HPSE: variants seen among roughly 807,000 people sequenced by gnomAD.
HPSE encodes heparanase.
A neutral mutation model predicts 65.1 loss-of-function variants in HPSE; 48 were observed. The ratio of observed to expected loss-of-function variants is 0.74; its 90% CI spans 0.58 to 0.94. HPSE has a LOEUF of 0.94. Ranked by LOEUF, HPSE falls within the 40% of genes least tolerant of loss-of-function variation. The pLI is 0.00. For synonymous variants in HPSE, 243 were observed against 260.0 expected, an observed-to-expected ratio of 0.93 and a Z score of 0.63; for missense variants, 644 against 637.5, an observed-to-expected ratio of 1.01 and a Z score of -0.11.
At chr4:83,302,559 T>C (rs1454359844) in intron 9 of HPSE, among the ~76,000 whole-genome samples, 1 of 152,180 alleles carries the variant, frequency 6.6e-6, no homozygotes, top group Admixed American at 6.5e-5. Context: ...TTCTTGGTTA[T>C]CGTTCATCCA....
intron 1 of HPSE, among the ~76,000 whole-genome samples, chr4:83,331,677 GCC>G (rs1333170977): frequency 6.6e-6 from 1 of 152,140 alleles, no homozygotes; most frequent in Non-Finnish European, 1.5e-5. Context: ...CAATGTATTT[GCC>G]ATCATGGAGA....
Position 83,298,325 on chromosome 4 carries a change from C to T in HPSE, c.1472+2635G>A, listed in dbSNP as rs182180784. 2.3e-3 allele frequency among the ~76,000 whole-genome samples: 354 copies of T among 152,234 alleles called. 4 individuals carry two copies. The highest frequency in any genetic ancestry group is 8.2e-3 in the African/African-American group (341 of 41,554). ...AAATGTATGAGATAAATATAAAATA[C>T]GGCCTTTATGTTAAAAATATGTTCA... On this transcript the variant is annotated intron_variant, in intron 11 of 11. Transcript: ENST00000311412.
chr4:83,297,851 T>C (rs556610198), intron 11 of HPSE, among the ~76,000 whole-genome samples: 1 of 152,296 alleles, frequency 6.6e-6, no homozygotes, highest in East Asian at 1.9e-4. Context: ...GTCTTGAAAA[T>C]ATCTCCAGCT....
rs199997937 is a variant in HPSE at position 83,301,038 on chromosome 4, C to T, written c.1394G>A (p.Arg465Gln). The T allele has an allele frequency of 4.0e-5, 64 of 1,606,306 alleles. No homozygotes were observed. The highest frequency in any genetic ancestry group is 1.7e-4 in the South Asian group (15 of 90,552). ...CTTGTTAGAAAAAGGATAGGGTAAC[C>T]GCAAGTACTTGGTGACATTATGGAG... The part of the protein sequence containing the change: ...INLHNVTKYL[R>Q]LPYPFSNKQV... The change falls in exon 11 of 12, where the codon CGG (arginine) becomes CAG (glutamine). Residue 465 changes from arginine (R) to glutamine (Q), a missense_variant. Arg to Gln is a conservative substitution (Grantham distance 43). Coordinates refer to ENST00000311412, the MANE Select transcript of HPSE (RefSeq NM_001098540.3).
intron 1 of HPSE, among the ~76,000 whole-genome samples, chr4:83,322,944 G>T (rs984184343): frequency 2.0e-5 from 3 of 151,696 alleles, no homozygotes; most frequent in Non-Finnish European, 4.4e-5. Context: ...GAGATTACAG[G>T]CATGAGCCAC....
intron 1 of HPSE, among the ~76,000 whole-genome samples, chr4:83,325,583 G>T (rs953801850): frequency 6.6e-6 from 1 of 152,226 alleles, no homozygotes; most frequent in Admixed American, 6.5e-5. Context: ...TATGCTAGTT[G>T]CTGGAGATGA....
rs1735600549 is a variant in HPSE at position 83,292,920 on chromosome 4, C to A, written c.*2424G>T. Reference sequence around the variant, plus strand: ...TACCTATTGGGTACAATGTACATCACTCAGGTGACAAGTACATTAAAAGCC... The same window carrying A: ...TACCTATTGGGTACAATGTACATCAATCAGGTGACAAGTACATTAAAAGCC... On this transcript the variant is annotated 3_prime_UTR_variant, in exon 12 of 12. Transcript: ENST00000311412. 1.3e-5 allele frequency: 2 copies of A among 152,128 alleles called. No homozygotes were observed. Among genetic ancestry groups the A allele is most frequent in the South Asian group, 4.1e-4 (2 of 4,824 alleles). 9.4% of individuals were successfully genotyped at this position (152,128 alleles called of 1,614,324 possible).
intron 9 of HPSE, among the ~76,000 whole-genome samples, chr4:83,303,441 A>T (rs1313690223): frequency 5.7e-5 from 1 of 17,678 alleles, no homozygotes; most frequent in Non-Finnish European, 3.5e-3. Context: ...ACAATATTTT[A>T]GACAAGGAAA....
At chr4:83,318,799 T>C (rs1736758060) in intron 3 of HPSE, among the ~76,000 whole-genome samples, 1 of 151,976 alleles carries the variant, frequency 6.6e-6, no homozygotes, top group African/African-American at 2.4e-5. Context: ...ACTGGAAGAC[T>C]GTTTTAGTGA....
intron 1 of HPSE, among the ~76,000 whole-genome samples, chr4:83,331,767 T>C (rs1737382551): frequency 1.3e-5 from 2 of 152,176 alleles, no homozygotes; most frequent in South Asian, 4.1e-4. Flanking sequence ...CTGATACTGT[T>C]ACTCTCATGT....
chr4:83,293,407 G>A lies in HPSE; in HGVS notation c.*1937C>T, dbSNP rs1735617730. ...CAGCTACAGCCATCATGCTACCAGA[G>A]TCTGAGAATGAAGCCAGCGCTAAAG... is the stretch of plus-strand genomic sequence containing the variant. On this transcript the variant is annotated 3_prime_UTR_variant, in exon 12 of 12. Coordinates refer to ENST00000311412, the MANE Select transcript of HPSE (RefSeq NM_001098540.3). 1 of 152,222 alleles carries A rather than the reference G, an allele frequency of 6.6e-6. No homozygotes were observed. The highest frequency in any genetic ancestry group is 2.4e-5 in the African/African-American group (1 of 41,460). The allele number at this position is 152,222 out of a possible 1,614,324, so 9.4% of individuals were successfully genotyped here. A position where few individuals can be genotyped will look rare whatever the true frequency, so the allele number is the denominator to read the frequency against.
chr4:83,315,910 C>T (rs1435568091), intron 3 of HPSE, among the ~76,000 whole-genome samples: 2 of 152,216 alleles, frequency 1.3e-5, no homozygotes, highest in Non-Finnish European at 2.9e-5. Flanking sequence ...TCCAAATGCA[C>T]TTGGAATTTA....
intron 1 of HPSE, among the ~76,000 whole-genome samples, chr4:83,332,397 G>A (rs1460702290): frequency 1.3e-5 from 2 of 152,260 alleles, no homozygotes; most frequent in South Asian, 2.1e-4. Context: ...TGTGCTTGTC[G>A]ATGCGTCTGG....
At chr4:83,304,235 GC>G (rs1412066676) in intron 9 of HPSE, among the ~76,000 whole-genome samples, 2 of 152,090 alleles carry the variant, frequency 1.3e-5, no homozygotes, top group Non-Finnish European at 2.9e-5. Flanking sequence ...TTCTTCTAGT[GC>G]CATCTCTACA....
At chr4:83,316,215 T>C (rs4693604) in intron 3 of HPSE, among the ~76,000 whole-genome samples, 120,973 of 151,786 alleles carry the variant, frequency 0.8, 48,370 homozygotes, top group East Asian at 0.87. Context: ...TTAGTAAAGA[T>C]GGGGTTTCAC....
intron 7 of HPSE, 63 bp from the exon 8 acceptor site, chr4:83,309,014 T>C: frequency 7.7e-7 from 1 of 1,290,602 alleles, no homozygotes; most frequent in South Asian, 1.2e-5. Context: ...TCAACTGTGG[T>C]GTTGAAGATT....
In HPSE at chr4:83,306,222, T is replaced by TC; in HGVS notation, c.1186dup (p.Glu396GlyfsTer8). 6.2e-7 allele frequency: 1 copy of TC among 1,606,176 alleles called. No homozygotes were observed. Among genetic ancestry groups the TC allele is most frequent in the Non-Finnish European group, 8.5e-7 (1 of 1,172,706 alleles). ...ACTTACAGGTAAAGGATCGAAGTTT[T>TC]CATCCACTAAATGGTAGTTTCCTGC... On this transcript the variant is annotated frameshift_variant, in exon 9 of 12. Coordinates refer to ENST00000311412, the MANE Select transcript of HPSE (RefSeq NM_001098540.3). LOFTEE classifies it high-confidence loss of function.
At chr4:83,313,459 AT>A (rs369574352) in intron 3 of HPSE, among the ~76,000 whole-genome samples, 172 bp from the exon 4 acceptor site, 4 of 152,212 alleles carry the variant, frequency 2.6e-5, no homozygotes, top group African/African-American at 9.7e-5. Flanking sequence ...ATTAAAAAAA[AT>A]CAATCTGACT....
At chr4:83,327,033 G>A (rs940952423) in intron 1 of HPSE, among the ~76,000 whole-genome samples, 3 of 152,104 alleles carry the variant, frequency 2.0e-5, no homozygotes, top group African/African-American at 7.2e-5. Context: ...ATCACTCTCT[G>A]AAATCAACTT....
Sources: gnomAD v4.1 joint callset for allele counts (sites outside exome capture counted in the v4.1 genomes callset) on GRCh38, gnomAD v4.1.1 for gene constraint, MANE v1.5 for transcripts, NCBI Gene and HGNC (gene_info 2026-07-23, HGNC 2026-07-21) for gene names.